The following HMGCS2 variants were observed in gnomAD, a reference collection of about 807,000 sequenced individuals.
HMGCS2 encodes hydroxymethylglutaryl-CoA synthase, mitochondrial.
HMGCS2 carries 50 observed loss-of-function variants against 57.4 expected under a neutral mutation model. The observed-to-expected ratio is 0.87, with a 90% confidence interval of 0.69 to 1.10. The LOEUF is 1.10. Ranked by LOEUF, HMGCS2 falls within the 50% of genes least tolerant of loss-of-function variation. HMGCS2 has a pLI of 0.00. For missense variants in HMGCS2, 627 were observed against 636.5 expected, an observed-to-expected ratio of 0.99 and a Z score of 0.16; for synonymous variants, 254 against 245.1, an observed-to-expected ratio of 1.04 and a Z score of -0.34.
Position 119,757,369 on chromosome 1 carries a change from A to G in HMGCS2, c.920T>C (p.Met307Thr). The G allele has an allele frequency of 6.2e-7, 1 of 1,614,198 alleles. No individual in the cohort carries two copies. The highest frequency in any genetic ancestry group is 8.5e-7 in the Non-Finnish European group (1 of 1,180,036). The change falls in exon 5 of 10, where the codon ATG becomes ACG. Residue 307 changes from methionine (M) to threonine (T), a missense_variant. Coordinates refer to ENST00000369406, the MANE Select transcript of HMGCS2 (RefSeq NM_005518.4). ...YMIFHTPFCKMVQKSLARLMF... is the reference protein window; with the variant it reads ...YMIFHTPFCKTVQKSLARLMF... ...CAGGCGAGCCAGAGACTTCTGGACCATCTTGCAAAAGGGTGTATGAAAGAT... is the reference window on the plus strand; with the variant it reads ...CAGGCGAGCCAGAGACTTCTGGACCGTCTTGCAAAAGGGTGTATGAAAGAT...
In HMGCS2 at chr1:119,750,782, C is replaced by A; in HGVS notation, c.*5+15G>T. The A allele has an allele frequency of 6.4e-7, 1 of 1,569,760 alleles. No homozygotes were observed. Among genetic ancestry groups the A allele is most frequent in the Non-Finnish European group, 8.8e-7 (1 of 1,139,814 alleles). On this transcript the variant is annotated intron_variant, in intron 9 of 9. Transcript: ENST00000369406. Reference sequence around the variant, plus strand: ...TTAGGGTTTTATGCCACCAACTCTGCAAACTCTCACTCACCACCTTTAGAC... The same window carrying A: ...TTAGGGTTTTATGCCACCAACTCTGAAAACTCTCACTCACCACCTTTAGAC...
rs117912894 is a variant in HMGCS2, at chr1:119,749,919, C to T, written c.*5+878G>A. On this transcript the variant is annotated intron_variant, in intron 9 of 9. Transcript: ENST00000369406. ...CACTCTATCATTCTGCTTATCCTAC[C>T]TATTTGGTCAACTGAAGGCAGCTAC... Among the ~76,000 whole-genome samples, 17 of 150,200 alleles carry T rather than the reference C, an allele frequency of 1.1e-4. No individual in the cohort carries two copies. In the East Asian group the frequency reaches 3.4e-3, roughly 30 times the overall value.
At chr1:119,763,320 G>C (rs1653106737) in intron 2 of HMGCS2, among the ~76,000 whole-genome samples, 2 of 152,108 alleles carry the variant, frequency 1.3e-5, no homozygotes, top group South Asian at 4.1e-4. Flanking sequence ...GGTTTCTAAG[G>C]TTTTTAATCC....
At chr1:119,759,393 C>A (rs1652960594) in intron 3 of HMGCS2, 111 bp from the exon 4 acceptor site, 1 of 1,072,830 alleles carries the variant, frequency 9.3e-7, no homozygotes, top group Non-Finnish European at 1.4e-6. Flanking sequence ...GTGTCCCATG[C>A]CCAAGTTCAA....
At chr1:119,763,074 T>G (rs1408871962) in intron 2 of HMGCS2, among the ~76,000 whole-genome samples, 2 of 152,082 alleles carry the variant, frequency 1.3e-5, no homozygotes, top group Non-Finnish European at 2.9e-5. Context: ...GACTTGATGA[T>G]GTAGACTGGA....
intron 2 of HMGCS2, among the ~76,000 whole-genome samples, chr1:119,761,575 C>T (rs1653040268): frequency 1.3e-5 from 2 of 152,028 alleles, no homozygotes; most frequent in Non-Finnish European, 2.9e-5. Flanking sequence ...ACTATCCTGG[C>T]TAACACGGTG....
intron 5 of HMGCS2, among the ~76,000 whole-genome samples, chr1:119,756,008 T>C (rs1218967372): frequency 3.3e-5 from 5 of 152,176 alleles, no homozygotes; most frequent in Non-Finnish European, 2.9e-5. Flanking sequence ...CTGCTCCTGT[T>C]CCTCACTAGT....
Position 119,759,861 on chromosome 1 carries a change from A to T in HMGCS2, c.685+3T>A. 1 of 1,614,036 alleles carries T rather than the reference A, an allele frequency of 6.2e-7. No homozygotes were observed. ...AGCCTCTTGGTAATGGATTACTACA[A>T]ACCTCGCTCCAGGGCCAGAGGGGCC... On this transcript the variant is annotated splice_donor_region_variant and intron_variant, in intron 3 of 9. Coordinates refer to ENST00000369406, the MANE Select transcript of HMGCS2 (RefSeq NM_005518.4).
At chr1:119,763,341 C>CTT (rs1653107644) in intron 2 of HMGCS2, among the ~76,000 whole-genome samples, 1 of 152,156 alleles carries the variant, frequency 6.6e-6, no homozygotes. Context: ...TAGTTTCAAA[C>CTT]TTAGTAAATA....
intron 5 of HMGCS2, 152 bp from the exon 6 acceptor site, chr1:119,755,749 A>G (rs1652818230): frequency 1.3e-6 from 1 of 775,750 alleles, no homozygotes; most frequent in African/African-American, 1.7e-5. Context: ...AGAACATACC[A>G]CTAATGGCCT....
At chr1:119,756,463 G>A (rs1397972237) in intron 5 of HMGCS2, among the ~76,000 whole-genome samples, 1 of 152,094 alleles carries the variant, frequency 6.6e-6, no homozygotes, top group East Asian at 1.9e-4. Context: ...TAATTTTGAT[G>A]TTTTAGTTAG....
chr1:119,765,525 G>A (rs776420258), intron 1 of HMGCS2, among the ~76,000 whole-genome samples: 116 of 151,684 alleles, frequency 7.6e-4, no homozygotes, highest in South Asian at 1.5e-3. Context: ...CCTTTTACTG[G>A]TGACCTTAAA....
intron 5 of HMGCS2, among the ~76,000 whole-genome samples, chr1:119,756,009 C>A (rs587766238): frequency 6.6e-6 from 1 of 152,132 alleles, no homozygotes; most frequent in Non-Finnish European, 1.5e-5. Flanking sequence ...TGCTCCTGTT[C>A]CTCACTAGTT....
chr1:119,759,376 A>G (rs1652959576), intron 3 of HMGCS2, 94 bp from the exon 4 acceptor site: 1 of 1,256,164 alleles, frequency 8.0e-7, no homozygotes, highest in Admixed American at 1.8e-5. Context: ...GTTTCTGGTC[A>G]TTATCTGTGT....
chr1:119,750,938 A>T (rs756450437), intron 8 of HMGCS2, 30 bp from the exon 9 acceptor site: 10 of 1,310,864 alleles, frequency 7.6e-6, no homozygotes, highest in Middle Eastern at 1.8e-4. Flanking sequence ...GGCAGTACTC[A>T]CAAAGAGTTA....
rs1653153296 is a variant in HMGCS2, at chr1:119,764,523, G to C, written c.208C>G (p.Gln70Glu). Residue 70 changes from glutamine (Q) to glutamate (E), a missense_variant, in exon 2 of 10, where the codon CAA becomes GAA. Transcript: ENST00000369406. Reference protein sequence around the residue: ...EVYFPAQYVDQTDLEKYNNVE... With the variant: ...EVYFPAQYVDETDLEKYNNVE... Reference sequence around the variant, plus strand: ...TTGTTATACTTCTCCAGGTCAGTTTGGTCCACATATTGGGCTGGGAAGTAG... The same window carrying C: ...TTGTTATACTTCTCCAGGTCAGTTTCGTCCACATATTGGGCTGGGAAGTAG... 6.2e-7 allele frequency: 1 copy of C among 1,613,978 alleles called. No individual in the cohort carries two copies. Among genetic ancestry groups the C allele is most frequent in the East Asian group, 2.2e-5 (1 of 44,860 alleles).
At chr1:119,765,536 G>T (rs1653198212) in intron 1 of HMGCS2, among the ~76,000 whole-genome samples, 1 of 151,918 alleles carries the variant, frequency 6.6e-6, no homozygotes, top group South Asian at 2.1e-4. Context: ...TGACCTTAAA[G>T]ATTATAACAT....
intron 9 of HMGCS2, among the ~76,000 whole-genome samples, chr1:119,749,167 A>G (rs1652557761): frequency 1.3e-5 from 2 of 152,188 alleles, no homozygotes; most frequent in South Asian, 4.1e-4. Context: ...TTCTGCTAAA[A>G]TCTCATTGTT....
At chr1:119,759,693 C>T (rs1473081099) in intron 3 of HMGCS2, among the ~76,000 whole-genome samples, 171 bp downstream of exon 3, 2 of 152,196 alleles carry the variant, frequency 1.3e-5, no homozygotes, top group Admixed American at 6.5e-5. Context: ...ATTCCCCTCT[C>T]CCATTTCTCC....
Sources: allele counts gnomAD v4.1 joint callset (sites outside exome capture counted in the v4.1 genomes callset), GRCh38; gene constraint gnomAD v4.1.1; transcripts MANE v1.5; gene names NCBI Gene and HGNC (gene_info 2026-07-23, HGNC 2026-07-21).